PLCH1: variants seen among roughly 807,000 people sequenced by gnomAD.
The protein encoded by PLCH1 is 1-phosphatidylinositol 4,5-bisphosphate phosphodiesterase eta-1.
PLCH1 carries 60 observed loss-of-function variants against 126.7 expected under a neutral mutation model. The observed-to-expected ratio is 0.47, with a 90% CI of 0.38 to 0.59. The LOEUF (loss-of-function observed/expected upper bound fraction) is 0.59, where lower values mean the gene tolerates loss of function less well. PLCH1 is among the 20% of genes least tolerant of loss of function. The pLI is 0.00. For missense variants in PLCH1, 1,723 were observed against 2,040.0 expected (o/e 0.84, Z 2.99); for synonymous variants, 719 against 734.9 (o/e 0.98, Z 0.35).
Position 155,687,846 on chromosome 3 carries a change from A to G in PLCH1, c.79+16300T>C, listed in dbSNP as rs569074541. 3.3e-5 allele frequency among the ~76,000 whole-genome samples: 5 copies of G among 152,324 alleles called. No homozygotes were observed. The East Asian group carries it at 5.8e-4, about 18-fold the overall frequency. On this transcript the variant is annotated intron_variant, in intron 2 of 22. Coordinates refer to ENST00000460012, the MANE Select transcript of PLCH1 (RefSeq NM_014996.4). ...CTGCTTTAAAGGGTTAGCTTCCACA[A>G]CTAAAGGTCATTCACCTATGGTTTT...
chr3:155,709,863 CT>C (rs1393192231), intron 1 of PLCH1, among the ~76,000 whole-genome samples: 2 of 152,182 alleles, frequency 1.3e-5, no homozygotes, highest in African/African-American at 4.8e-5. Flanking sequence ...AGGGATCTTC[CT>C]GCCTCAGCTT....
intron 2 of PLCH1, among the ~76,000 whole-genome samples, chr3:155,699,230 C>G (rs1239858777): frequency 6.6e-6 from 1 of 152,134 alleles, no homozygotes; most frequent in East Asian, 1.9e-4. Context: ...CATCCACTCC[C>G]ACACCCAGCT....
chr3:155,654,709 C>T (rs1741150385), intron 2 of PLCH1, among the ~76,000 whole-genome samples: 1 of 152,172 alleles, frequency 6.6e-6, no homozygotes, highest in African/African-American at 2.4e-5. Context: ...CCAGTCCAGA[C>T]CACCATCATT....
At chr3:155,705,446 C>T (rs1438637200) in intron 1 of PLCH1, among the ~76,000 whole-genome samples, 2 of 152,084 alleles carry the variant, frequency 1.3e-5, no homozygotes, top group East Asian at 1.9e-4. Context: ...ATCCTACTCC[C>T]TAAGGCTGAG....
intron 1 of PLCH1, among the ~76,000 whole-genome samples, chr3:155,737,096 G>A (rs952100216): frequency 6.6e-6 from 1 of 151,592 alleles, no homozygotes; most frequent in Non-Finnish European, 1.5e-5. Flanking sequence ...GCCGGGCGTG[G>A]TGGCGCACGT....
chr3:155,619,058 C>T (rs1736138209), intron 2 of PLCH1, among the ~76,000 whole-genome samples: 1 of 148,436 alleles, frequency 6.7e-6, no homozygotes, highest in African/African-American at 2.5e-5. Flanking sequence ...TGGGCAAAAG[C>T]TCCAATGAAG....
chr3:155,704,582 C>T (rs1270339780), intron 1 of PLCH1, among the ~76,000 whole-genome samples: 1 of 152,206 alleles, frequency 6.6e-6, no homozygotes, highest in Non-Finnish European at 1.5e-5. Flanking sequence ...CCCAGCCTCA[C>T]TCCTAGTAGT....
intron 10 of PLCH1, among the ~76,000 whole-genome samples, chr3:155,541,940 G>C (rs1215864006): frequency 2.6e-5 from 4 of 152,232 alleles, no homozygotes; most frequent in Non-Finnish European, 5.9e-5. Flanking sequence ...CGGGTCTACA[G>C]CTCCCAGCAT....
intron 10 of PLCH1, among the ~76,000 whole-genome samples, chr3:155,528,489 C>T (rs558378677): frequency 6.6e-6 from 1 of 152,236 alleles, no homozygotes; most frequent in African/African-American, 2.4e-5. Flanking sequence ...CAACTTTCTT[C>T]ACTTATTCAG....
intron 22 of PLCH1, chr3:155,483,327 A>G (rs1714487462): frequency 3.3e-6 from 5 of 1,502,352 alleles, no homozygotes; most frequent in Non-Finnish European, 2.7e-6. Context: ...ATGAGTTACC[A>G]TACTTTTACA....
chr3:155,476,681 C>G (rs1176708931), downstream of PLCH1, among the ~76,000 whole-genome samples: 1 of 151,676 alleles, frequency 6.6e-6, no homozygotes, highest in Admixed American at 6.6e-5. Flanking sequence ...TAAAGTAATC[C>G]TATTTACAAT....
intron 2 of PLCH1, among the ~76,000 whole-genome samples, chr3:155,643,802 G>A (rs964817035): frequency 6.6e-6 from 1 of 152,198 alleles, no homozygotes; most frequent in Non-Finnish European, 1.5e-5. Flanking sequence ...AATATTTGCT[G>A]AATAAATAAA....
At position 155,593,925 on chromosome 3, in the gene PLCH1, G is replaced by GAAAGAATA. The variant is rs749396600; in HGVS notation, c.470+15_470+16insTATTCTTT. ...AGAGCAAGAGAGAGCTGAAAATAAAGTTCTAGAAAGGATATTGGTCATGGG... is the reference window on the plus strand; with the variant it reads ...AGAGCAAGAGAGAGCTGAAAATAAAGAAAGAATATTCTAGAAAGGATATTGGTCATGGG... On this transcript the variant is annotated intron_variant, in intron 4 of 22. Coordinates refer to ENST00000460012, the MANE Select transcript of PLCH1 (RefSeq NM_014996.4). The GAAAGAATA allele has an allele frequency of 2.5e-6, 4 of 1,613,192 alleles. No homozygotes were observed. Among genetic ancestry groups the GAAAGAATA allele is most frequent in the Non-Finnish European group, 3.4e-6 (4 of 1,179,372 alleles).
At position 155,482,105 on chromosome 3, in the gene PLCH1, T is replaced by C; in HGVS notation, c.3921A>G (p.Leu1307=). 1.9e-6 allele frequency: 3 copies of C among 1,614,200 alleles called. No homozygotes were observed. The highest frequency in any genetic ancestry group is 2.5e-6 in the Non-Finnish European group (3 of 1,180,026). The change falls in exon 23 of 23, where the codon TTA becomes TTG. Residue 1307 remains leucine, a synonymous_variant. Transcript: ENST00000460012. Reference sequence around the variant, plus strand: ...CTTCTCCCTTGGTAGGACTTTTTGGTAACCAGCCACGAGAAGTATTAGGGG... The same window carrying C: ...CTTCTCCCTTGGTAGGACTTTTTGGCAACCAGCCACGAGAAGTATTAGGGG... ...PGSPNTSRGW[L]PKSPTKGEDW...
At position 155,673,048 on chromosome 3, in the gene PLCH1, C is replaced by CTTTT. The variant is rs66672315; in HGVS notation, c.79+31094_79+31097dup. 2.2e-3 allele frequency among the ~76,000 whole-genome samples: 147 copies of CTTTT among 68,238 alleles called. 17 individuals are homozygous for CTTTT. Among genetic ancestry groups the CTTTT allele is most frequent in the African/African-American group, 2.5e-3 (36 of 14,660 alleles). 44.8% of individuals were successfully genotyped at this position (68,238 alleles called of 152,430 possible). On this transcript the variant is annotated intron_variant, in intron 2 of 22. Coordinates refer to ENST00000460012, the MANE Select transcript of PLCH1 (RefSeq NM_014996.4). Reference sequence around the variant, plus strand: ...TCCCCAGCTTAAAACCTTCTGTTGCCTTTTTTTTTTTTTTTTTTTTTTTTT... The same window carrying CTTTT: ...TCCCCAGCTTAAAACCTTCTGTTGCCTTTTTTTTTTTTTTTTTTTTTTTTTTTTT...
chr3:155,492,947 C>T (rs1716471096), intron 17 of PLCH1, 94 bp from the exon 18 acceptor site: 18 of 1,062,782 alleles, frequency 1.7e-5, no homozygotes, highest in Non-Finnish European at 2.2e-5. Flanking sequence ...CAAACAAAAA[C>T]AAATGCTGAA....
intron 1 of PLCH1, among the ~76,000 whole-genome samples, chr3:155,740,406 C>CAAA (rs60626575): frequency 6.9e-5 from 7 of 102,098 alleles, no homozygotes; most frequent in Non-Finnish European, 8.7e-5. Context: ...GACTCTGTCT[C>CAAA]AAAAAAAAAA....
At chr3:155,586,221 G>A in intron 4 of PLCH1, 27 bp from the exon 5 acceptor site, 1 of 1,609,362 alleles carries the variant, frequency 6.2e-7, no homozygotes, top group East Asian at 2.2e-5. Flanking sequence ...GAAAACACCT[G>A]TGCTCTCATC....
At chr3:155,568,197 A>G in intron 7 of PLCH1, 34 bp downstream of exon 7, 1 of 951,030 alleles carries the variant, frequency 1.1e-6, no homozygotes, top group Non-Finnish European at 1.7e-6. Flanking sequence ...GGCTGAATCA[A>G]GAAATGAGAA....
Sources: gnomAD v4.1 joint callset for allele counts (sites outside exome capture counted in the v4.1 genomes callset) on GRCh38, gnomAD v4.1.1 for gene constraint, MANE v1.5 for transcripts, NCBI Gene and HGNC (gene_info 2026-07-23, HGNC 2026-07-21) for gene names.